TMCO4: variants seen among roughly 807,000 people sequenced by gnomAD.
The protein encoded by TMCO4 is transmembrane and coiled-coil domains 4.
TMCO4 carries 58 observed loss-of-function variants against 64.7 expected under a neutral mutation model. That is an observed-to-expected ratio of 0.90 (90% CI 0.73 to 1.12). The LOEUF (loss-of-function observed/expected upper bound fraction) is 1.12, where lower values mean the gene tolerates loss of function less well. Among genes scored for constraint, TMCO4 ranks in the 50% most tolerant of loss-of-function variants. The probability of loss-of-function intolerance (pLI) is 0.00; values close to 1 mark genes in which losing one functional copy is unlikely to be tolerated. For synonymous variants in TMCO4, 325 were observed against 346.1 expected (o/e 0.94, Z 0.68); for missense variants, 780 against 825.9 (o/e 0.94, Z 0.68).
At chr1:19,789,232 T>C (rs2043905860) in intron 2 of TMCO4, among the ~76,000 whole-genome samples, 1 of 151,250 alleles carries the variant, frequency 6.6e-6, no homozygotes, top group South Asian at 2.1e-4. Context: ...CGAAACCCCA[T>C]CTCTACTAAA....
chr1:19,682,439 C>T lies in TMCO4; in HGVS notation c.*601G>A. On this transcript the variant is annotated 3_prime_UTR_variant, in exon 16 of 16. Transcript: ENST00000294543. ...GCACACTCACATTGTGTCTGTGTGA[C>T]TCATGTCCCTGGAGTTATGCAGCGC... The T allele has an allele frequency of 1.7e-6, 1 of 589,384 alleles. No individual in the cohort carries two copies. Among genetic ancestry groups the T allele is most frequent in the Non-Finnish European group, 3.1e-6 (1 of 327,158 alleles). The allele number at this position is 589,384 out of a possible 1,614,324, so 36.5% of individuals were successfully genotyped here. A position where few individuals can be genotyped will look rare whatever the true frequency, so the allele number is the denominator to read the frequency against.
At chr1:19,733,458 A>C (rs1168932963) in intron 13 of TMCO4, among the ~76,000 whole-genome samples, 1 of 152,086 alleles carries the variant, frequency 6.6e-6, no homozygotes, top group African/African-American at 2.4e-5. Flanking sequence ...TCATGTGTCC[A>C]TCAAGCACCT....
intron 12 of TMCO4, 70 bp from the exon 13 acceptor site, chr1:19,737,526 A>C (rs2095460678): frequency 6.9e-7 from 1 of 1,452,034 alleles, no homozygotes; most frequent in Admixed American, 1.7e-5. Flanking sequence ...AGGCCTGAGG[A>C]GGGCAGCCTT....
intron 7 of TMCO4, among the ~76,000 whole-genome samples, chr1:19,752,412 T>A (rs565957225): frequency 3.9e-5 from 6 of 152,212 alleles, no homozygotes; most frequent in Non-Finnish European, 7.3e-5. Flanking sequence ...AATCCCAGGC[T>A]GAAGCCAGAG....
At position 19,729,189 on chromosome 1, in the gene TMCO4, G is replaced by A. The variant is rs553772474; in HGVS notation, c.1264+8183C>T. Among the ~76,000 whole-genome samples the A allele has an allele frequency of 9.9e-5, 15 of 151,962 alleles. No individual in the cohort carries two copies. In the East Asian group the frequency reaches 1.4e-3, roughly 14 times the overall value. Reference sequence around the variant, plus strand: ...TTTTGAGACAGAATCTTGCTGTGTCGCCTAGGCTAGAGTACAGTGGCCCAA... The same window carrying A: ...TTTTGAGACAGAATCTTGCTGTGTCACCTAGGCTAGAGTACAGTGGCCCAA... On this transcript the variant is annotated intron_variant, in intron 13 of 15. Coordinates refer to ENST00000294543, the MANE Select transcript of TMCO4 (RefSeq NM_181719.7).
intron 13 of TMCO4, among the ~76,000 whole-genome samples, chr1:19,709,399 G>A (rs917167608): frequency 6.7e-6 from 1 of 150,060 alleles, no homozygotes; most frequent in Non-Finnish European, 1.5e-5. Context: ...AGCAACTGGT[G>A]GATACAATCC....
At chr1:19,766,989 C>A (rs2042765752) in intron 6 of TMCO4, among the ~76,000 whole-genome samples, 1 of 152,220 alleles carries the variant, frequency 6.6e-6, no homozygotes, top group Non-Finnish European at 1.5e-5. Flanking sequence ...GAAGCTGTTC[C>A]TCTTACCTGC....
chr1:19,704,363 G>C (rs1018112099), intron 13 of TMCO4, among the ~76,000 whole-genome samples: 4 of 152,204 alleles, frequency 2.6e-5, no homozygotes, highest in Non-Finnish European at 5.9e-5. Flanking sequence ...AGAGATCAAC[G>C]CGATTTCCCT....
rs755080822 is a variant in TMCO4 at position 19,732,931 on chromosome 1, C to T, written c.1264+4441G>A. On this transcript the variant is annotated intron_variant, in intron 13 of 15. Transcript: ENST00000294543. The surrounding 1 kb of genome is among the most constrained non-coding windows in gnomAD (Gnocchi z 4.8). ...GAGGTTTTCTTTTTTTCTTTCTTCT[C>T]GTTTTTCTTTTTTGCTGACTACCTA... Among the ~76,000 whole-genome samples, 1 of 151,844 alleles carries T rather than the reference C, an allele frequency of 6.6e-6. No homozygotes were observed. The highest frequency in any genetic ancestry group is 1.5e-5 in the Non-Finnish European group (1 of 67,984).
chr1:19,703,879 C>T (rs2095288407), intron 13 of TMCO4, among the ~76,000 whole-genome samples: 1 of 152,200 alleles, frequency 6.6e-6, no homozygotes, highest in Non-Finnish European at 1.5e-5. Context: ...TTCCCTCACA[C>T]ACCAGGAAGC....
intron 11 of TMCO4, 52 bp from the exon 12 acceptor site, chr1:19,740,012 C>A (rs1211949386): frequency 6.4e-7 from 1 of 1,555,444 alleles, no homozygotes; most frequent in South Asian, 1.2e-5. Context: ...TAGGGTCCTA[C>A]TAGGGAAGTG....
At chr1:19,702,741 G>A (rs2095281327) in intron 13 of TMCO4, among the ~76,000 whole-genome samples, 2 of 152,252 alleles carry the variant, frequency 1.3e-5, no homozygotes. Context: ...ACCAGCCTGG[G>A]TGACAGAGGC....
chr1:19,749,049 T>C (rs892271301), intron 7 of TMCO4, among the ~76,000 whole-genome samples: 5 of 152,216 alleles, frequency 3.3e-5, no homozygotes, highest in Admixed American at 6.5e-5. Flanking sequence ...GTGCATATCA[T>C]GATACTGGTT....
At chr1:19,793,360 T>C (rs973302317) in intron 2 of TMCO4, among the ~76,000 whole-genome samples, 1 of 152,106 alleles carries the variant, frequency 6.6e-6, no homozygotes, top group Non-Finnish European at 1.5e-5. Context: ...TCACAACACA[T>C]AAAGCTATAG....
chr1:19,704,737 T>C (rs927558619), intron 13 of TMCO4, among the ~76,000 whole-genome samples: 1 of 152,076 alleles, frequency 6.6e-6, no homozygotes, highest in Non-Finnish European at 1.5e-5. Flanking sequence ...GCGGTGGTAA[T>C]AGCAGCATTC....
At chr1:19,745,134 G>A (rs2041708968) in intron 10 of TMCO4, among the ~76,000 whole-genome samples, 1 of 151,644 alleles carries the variant, frequency 6.6e-6, no homozygotes, top group Admixed American at 6.6e-5. Context: ...AAGTGTGGAT[G>A]GATGCATGGG....
At chr1:19,749,089 G>A (rs775114892) in intron 7 of TMCO4, among the ~76,000 whole-genome samples, 1 of 152,226 alleles carries the variant, frequency 6.6e-6, no homozygotes, top group Non-Finnish European at 1.5e-5. Flanking sequence ...GTCATCAGTG[G>A]TGTGGGATGA....
At chr1:19,787,333 C>T (rs534437395) in intron 2 of TMCO4, among the ~76,000 whole-genome samples, 16 of 152,346 alleles carry the variant, frequency 1.1e-4, no homozygotes, top group African/African-American at 3.4e-4. Context: ...GAGCACTCAC[C>T]ATGTGCTGGG....
chr1:19,799,368 A>ACAGGAGG (rs112469857), intron 1 of TMCO4: 7,670 of 152,366 alleles, frequency 0.05, 463 homozygotes, highest in African/African-American at 0.14. Flanking sequence ...GGACAGGGAG[A>ACAGGAGG]CAGGAGGCGG....
Sources: gnomAD v4.1 joint callset for allele counts (sites outside exome capture counted in the v4.1 genomes callset) on GRCh38, gnomAD v4.1.1 for gene constraint, Gnocchi (gnomAD v3.1) non-coding constraint, MANE v1.5 for transcripts, NCBI Gene and HGNC (gene_info 2026-07-23, HGNC 2026-07-21) for gene names.